ADGRA2: variants seen among roughly 807,000 people sequenced by gnomAD.
ADGRA2 encodes the protein adhesion G protein-coupled receptor A2, also known as G-protein coupled receptor 124.
A neutral mutation model predicts 98.7 loss-of-function variants in ADGRA2; 61 were observed. That is an observed-to-expected ratio of 0.62 (90% confidence interval 0.50 to 0.76). The LOEUF (loss-of-function observed/expected upper bound fraction) is 0.76. Ranked by LOEUF, ADGRA2 falls within the 30% of genes least tolerant of loss-of-function variation. The probability of loss-of-function intolerance (pLI) is 0.00; values close to 1 mark genes in which losing one functional copy is unlikely to be tolerated. For missense variants in ADGRA2, 1,712 were observed against 1,860.0 expected (o/e 0.92, Z 1.46); for synonymous variants, 858 against 831.5 (o/e 1.03, Z -0.55).
intron 17 of ADGRA2, among the ~76,000 whole-genome samples, 189 bp from the exon 18 acceptor site, chr8:37,840,571 C>G (rs1940025716): frequency 6.6e-6 from 1 of 152,194 alleles, no homozygotes; most frequent in Non-Finnish European, 1.5e-5. Flanking sequence ...ATTCTGGCCT[C>G]TGCCCCTTAG....
Position 37,798,215 on chromosome 8 carries a change from C to G in ADGRA2, c.266+681C>G, listed in dbSNP as rs1366975677. 2.0e-5 allele frequency among the ~76,000 whole-genome samples: 3 copies of G among 152,240 alleles called. No individual in the cohort carries two copies. The East Asian group carries it at 5.8e-4, about 29-fold the overall frequency. Reference sequence around the variant, plus strand: ...TGTGCAGTGAGCTCTGTGCTGGGTCCCGCGTCCTTGCCTCTCCTTTGCCTC... The same window carrying G: ...TGTGCAGTGAGCTCTGTGCTGGGTCGCGCGTCCTTGCCTCTCCTTTGCCTC... On this transcript the variant is annotated intron_variant, in intron 1 of 18. Coordinates refer to ENST00000412232, the MANE Select transcript of ADGRA2 (RefSeq NM_032777.10).
At chr8:37,828,469 G>A (rs1290360082) in intron 2 of ADGRA2, among the ~76,000 whole-genome samples, 2 of 148,620 alleles carry the variant, frequency 1.3e-5, no homozygotes, top group African/African-American at 5.0e-5. Context: ...AGGCCTGTCC[G>A]AGGGGGTGGT....
intron 2 of ADGRA2, among the ~76,000 whole-genome samples, chr8:37,827,061 A>C (rs1359543078): frequency 6.6e-6 from 1 of 152,074 alleles, no homozygotes; most frequent in Non-Finnish European, 1.5e-5. Context: ...CTGCCTCACA[A>C]TCTCCTGCCA....
intron 11 of ADGRA2, 53 bp from the exon 12 acceptor site, chr8:37,835,121 C>T: frequency 1.5e-6 from 2 of 1,371,572 alleles, no homozygotes; most frequent in Middle Eastern, 1.8e-4. Flanking sequence ...TGTGCAGTCC[C>T]AAGCAGAAGG....
rs376728910 is a variant in ADGRA2, at chr8:37,841,579, C to A, written c.3241C>A (p.Arg1081Ser). 102 of 1,590,990 alleles carry A rather than the reference C, an allele frequency of 6.4e-5. No homozygotes were observed. Among genetic ancestry groups the A allele is most frequent in the Non-Finnish European group, 7.0e-5 (82 of 1,170,260 alleles). ...ARRRDVRASW[R>S]ACCPPASPAA... Reference sequence around the variant, plus strand: ...GCGGAGGGACGTGAGAGCCTCGTGGCGCGCCTGCTGCCCCCCTGCCTCTCC... The same window carrying A: ...GCGGAGGGACGTGAGAGCCTCGTGGAGCGCCTGCTGCCCCCCTGCCTCTCC... The change falls in exon 19 of 19, where the codon CGC (arginine) becomes AGC (serine). Residue 1081 changes from arginine to serine, a missense_variant. Arg to Ser is a moderately radical substitution (Grantham distance 110, BLOSUM62 -1). Transcript: ENST00000412232. This position sits in a 1 kb window ranked among gnomAD's most constrained non-coding sequence, Gnocchi z 5.0.
intron 1 of ADGRA2, among the ~76,000 whole-genome samples, chr8:37,812,136 G>T (rs950210731): frequency 3.3e-5 from 5 of 150,550 alleles, no homozygotes; most frequent in African/African-American, 5.0e-5. Context: ...AATTTAAAAT[G>T]ACATGCACTT....
At chr8:37,803,142 T>C (rs1804556807) in intron 1 of ADGRA2, among the ~76,000 whole-genome samples, 1 of 152,202 alleles carries the variant, frequency 6.6e-6, no homozygotes, top group African/African-American at 2.4e-5. Flanking sequence ...CGGGTCATGT[T>C]TTTAAAGAAA....
chr8:37,841,025 G>GCCCCCACCCCCACCCC lies in ADGRA2; in HGVS notation c.2748-55_2748-54insCCCCCACCCCCCCCCA. On this transcript the variant is annotated intron_variant, in intron 18 of 18. Transcript: ENST00000412232. The surrounding 1 kb of genome is among the most constrained non-coding windows in gnomAD (Gnocchi z 5.0). ...ATATCCTGTCTCCCCAACCACCCCG[G>GCCCCCACCCCCACCCC]CCCCCAGCCCCACCCCAGCCATGCC... 7.1e-7 allele frequency: 1 copy of GCCCCCACCCCCACCCC among 1,411,662 alleles called. No homozygotes were observed. The highest frequency in any genetic ancestry group is 9.8e-7 in the Non-Finnish European group (1 of 1,023,660). The allele number at this position is 1,411,662 out of a possible 1,614,324, so 87.4% of individuals were successfully genotyped here.
intron 16 of ADGRA2, 105 bp downstream of exon 16, chr8:37,839,727 C>A: frequency 7.0e-7 from 1 of 1,420,140 alleles, no homozygotes; most frequent in Non-Finnish European, 9.6e-7. Context: ...TGCTCATAGG[C>A]CGTGGCTCCA....
At position 37,841,522 on chromosome 8, in the gene ADGRA2, G is replaced by A. The variant is rs767859049; in HGVS notation, c.3184G>A (p.Gly1062Ser). ...GTACGGGGTGGCAGCCTCCGCCCTGGGCCTCTTCGTCTTCACTCACCACTG... is the reference window on the plus strand; with the variant it reads ...GTACGGGGTGGCAGCCTCCGCCCTGAGCCTCTTCGTCTTCACTCACCACTG... ...CLYGVAASALGLFVFTHHCAR... is the reference protein window; with the variant it reads ...CLYGVAASALSLFVFTHHCAR... The change falls in exon 19 of 19, where the codon GGC becomes AGC. Residue 1062 changes from glycine (G) to serine (S), a missense_variant. By Grantham distance (56) the Gly-to-Ser change is moderately conservative. Coordinates refer to ENST00000412232, the MANE Select transcript of ADGRA2 (RefSeq NM_032777.10). The surrounding 1 kb of genome is among the most constrained non-coding windows in gnomAD (Gnocchi z 5.0). The A allele has an allele frequency of 3.6e-5, 58 of 1,612,588 alleles. No homozygotes were observed. The highest frequency in any genetic ancestry group is 4.9e-5 in the Non-Finnish European group (58 of 1,179,814).
chr8:37,816,749 C>T lies in ADGRA2; in HGVS notation c.338+1782C>T, dbSNP rs562589204. On this transcript the variant is annotated intron_variant, in intron 2 of 18. Coordinates refer to ENST00000412232, the MANE Select transcript of ADGRA2 (RefSeq NM_032777.10). ...TGGCCAACATGGTAAAACCCCATCT[C>T]TACTAAAAATACAAAAATTAGCTGG... 9.9e-4 allele frequency among the ~76,000 whole-genome samples: 150 copies of T among 152,162 alleles called. 1 individual carries two copies. The highest frequency in any genetic ancestry group is 2.9e-3 in the African/African-American group (120 of 41,506).
chr8:37,834,154 G>A lies in ADGRA2; in HGVS notation c.1608+26G>A, dbSNP rs200457767. 41 of 1,588,760 alleles carry A rather than the reference G, an allele frequency of 2.6e-5. No homozygotes were observed. Among genetic ancestry groups the A allele is most frequent in the African/African-American group, 2.4e-4 (18 of 74,670 alleles). On this transcript the variant is annotated intron_variant, in intron 11 of 18. Coordinates refer to ENST00000412232, the MANE Select transcript of ADGRA2 (RefSeq NM_032777.10). The surrounding 1 kb of genome is among the most constrained non-coding windows in gnomAD (Gnocchi z 4.2). ...GTAATGGGGGTCAGCAGAGGGGGTG[G>A]CCCTGGCATGCAGAGGAGGGAGGCG...
At position 37,830,636 on chromosome 8, in the gene ADGRA2, C is replaced by G. The variant is rs1336684813; in HGVS notation, c.719-74C>G. ...CCCCGCCCCGCCCCACCCCATCCTG[C>G]TGGACTCTCGCTCACACGTGCAGCC... is the stretch of plus-strand genomic sequence containing the variant. On this transcript the variant is annotated intron_variant, in intron 6 of 18. Coordinates refer to ENST00000412232, the MANE Select transcript of ADGRA2 (RefSeq NM_032777.10). The surrounding 1 kb of genome is among the most constrained non-coding windows in gnomAD (Gnocchi z 4.8). 3.4e-6 allele frequency: 2 copies of G among 596,658 alleles called. No individual in the cohort carries two copies. The highest frequency in any genetic ancestry group is 3.7e-5 in the African/African-American group (2 of 53,586). The allele number at this position is 596,658 out of a possible 1,614,324, so 37.0% of individuals were successfully genotyped here. A position where few individuals can be genotyped will look rare whatever the true frequency, so the allele number is the denominator to read the frequency against.
Position 37,844,621 on chromosome 8 carries a change from T to G in ADGRA2, c.*2266T>G, listed in dbSNP as rs567273563. On this transcript the variant is annotated 3_prime_UTR_variant, in exon 19 of 19. Coordinates refer to ENST00000412232, the MANE Select transcript of ADGRA2 (RefSeq NM_032777.10). ...GAAATGTTCTCATCTCCAGTGACAG[T>G]GGAGACAGGGGGTACAGGGCAGATC... 6.2e-7 allele frequency: 1 copy of G among 1,614,082 alleles called. No individual in the cohort carries two copies. The highest frequency in any genetic ancestry group is 8.5e-7 in the Non-Finnish European group (1 of 1,180,008).
intron 2 of ADGRA2, among the ~76,000 whole-genome samples, chr8:37,823,617 A>G (rs992315466): frequency 2.0e-5 from 3 of 152,216 alleles, no homozygotes; most frequent in African/African-American, 7.2e-5. Context: ...TTTCTGGGTC[A>G]TATGGTAACC....
In ADGRA2 at chr8:37,797,345, T is replaced by G. The variant is rs1804358753; in HGVS notation, c.77T>G (p.Leu26Arg). Residue 26 changes from leucine (L) to arginine (R), a missense_variant, in exon 1 of 19, where the codon CTC becomes CGC. Transcript: ENST00000412232. The surrounding 1 kb of genome is among the most constrained non-coding windows in gnomAD (Gnocchi z 5.3). ...LLPLLPWLLL[L>R]LAPEARGAPG... ...CCGCTGCTGCCGTGGCTCCTGCTGC[T>G]CCTGGCGCCCGAGGCTCGGGGCGCG... 1.4e-6 allele frequency: 2 copies of G among 1,399,410 alleles called. No homozygotes were observed. The highest frequency in any genetic ancestry group is 1.5e-5 in the African/African-American group (1 of 66,260). 86.7% of individuals were successfully genotyped at this position (1,399,410 alleles called of 1,614,324 possible).
In ADGRA2 at chr8:37,844,465, A is replaced by T; in HGVS notation, c.*2110A>T. On this transcript the variant is annotated 3_prime_UTR_variant, in exon 19 of 19. Coordinates refer to ENST00000412232, the MANE Select transcript of ADGRA2 (RefSeq NM_032777.10). ...AATGTTATCAAGCTGTCAGAACAGG[A>T]TGAAGTGCTCCCAGTGGATATCCAT... is the stretch of plus-strand genomic sequence containing the variant. The T allele has an allele frequency of 6.2e-7, 1 of 1,606,592 alleles. No homozygotes were observed. Among genetic ancestry groups the T allele is most frequent in the Non-Finnish European group, 8.5e-7 (1 of 1,176,070 alleles).
Position 37,802,229 on chromosome 8 carries a change from C to A in ADGRA2, c.266+4695C>A, listed in dbSNP as rs1402726268. Among the ~76,000 whole-genome samples, 1 of 152,210 alleles carries A rather than the reference C, an allele frequency of 6.6e-6. No homozygotes were observed. Among genetic ancestry groups the A allele is most frequent in the African/African-American group, 2.4e-5 (1 of 41,452 alleles). Reference sequence around the variant, plus strand: ...GCCCCTCGTTACAGCCACCAGGATCCAGTTAGGGGAATTTGGGCAAAGTGT... The same window carrying A: ...GCCCCTCGTTACAGCCACCAGGATCAAGTTAGGGGAATTTGGGCAAAGTGT... On this transcript the variant is annotated intron_variant, in intron 1 of 18. Transcript: ENST00000412232. The surrounding 1 kb of genome is among the most constrained non-coding windows in gnomAD (Gnocchi z 4.7).
At chr8:37,839,643 T>A (rs768778828) in intron 16 of ADGRA2, 21 bp downstream of exon 16, 1 of 1,612,396 alleles carries the variant, frequency 6.2e-7, no homozygotes, top group Admixed American at 1.7e-5. Context: ...GAAGGGGCTC[T>A]GGGGGTGGTG....
Sources: gnomAD v4.1 joint callset for allele counts (sites outside exome capture counted in the v4.1 genomes callset) on GRCh38, gnomAD v4.1.1 for gene constraint, Gnocchi (gnomAD v3.1) non-coding constraint, MANE v1.5 for transcripts, NCBI Gene and HGNC (gene_info 2026-07-23, HGNC 2026-07-21) for gene names.